The following DENND5A variants were observed in gnomAD, a reference collection of about 807,000 sequenced individuals.
The protein encoded by DENND5A is DENN domain-containing protein 5A.
In DENND5A, 64 loss-of-function variants were observed where a neutral mutation model predicts 140.3. That is an observed-to-expected ratio of 0.46 (90% CI 0.37 to 0.56). The LOEUF (loss-of-function observed/expected upper bound fraction) is 0.56. Among genes scored for constraint, DENND5A ranks in the 20% least tolerant of loss-of-function variants. The pLI, the probability that DENND5A is intolerant of heterozygous loss-of-function variation, is 0.00. For synonymous variants in DENND5A, 605 were observed against 607.7 expected (o/e 1.00, Z 0.07); for missense variants, 1,292 against 1,593.8 (o/e 0.81, Z 3.22).
At chr11:9,197,435 C>T (rs1379995270) in intron 4 of DENND5A, among the ~76,000 whole-genome samples, 1 of 150,414 alleles carries the variant, frequency 6.6e-6, no homozygotes, top group African/African-American at 2.5e-5. Flanking sequence ...GTGGCTCACG[C>T]CTGTAATCCC....
chr11:9,140,354 A>G lies in DENND5A; in HGVS notation c.3681-500T>C, dbSNP rs927508656. ...CCAAGATCACATGGCTAGTAAATGG[A>G]TAACTTGAGATCTGAACCTAGTGAA... On this transcript the variant is annotated intron_variant, in intron 22 of 22. Coordinates refer to ENST00000328194, the MANE Select transcript of DENND5A (RefSeq NM_015213.4). 1.0e-4 allele frequency: 51 copies of G among 507,740 alleles called. 1 individual carries two copies. The highest frequency in any genetic ancestry group is 3.3e-5 in the South Asian group (2 of 60,452). The allele number at this position is 507,740 out of a possible 1,614,324, so 31.5% of individuals were successfully genotyped here.
At chr11:9,160,095 T>C (rs1210292597) in intron 12 of DENND5A, among the ~76,000 whole-genome samples, 2 of 152,224 alleles carry the variant, frequency 1.3e-5, no homozygotes, top group Non-Finnish European at 2.9e-5. Context: ...AATATGTATT[T>C]TCTAATTTTT....
Position 9,231,838 on chromosome 11 carries a change from GAC to G in DENND5A, c.110-24208_110-24207del, listed in dbSNP as rs929468567. Reference sequence around the variant, plus strand: ...AAATTCTCTCTCTTTTTTTTTAACAGACTTTCCTAACCACTAAAATTTTACCA... The same window carrying G: ...AAATTCTCTCTCTTTTTTTTTAACAGTTTCCTAACCACTAAAATTTTACCA... On this transcript the variant is annotated intron_variant, in intron 1 of 22. Coordinates refer to ENST00000328194, the MANE Select transcript of DENND5A (RefSeq NM_015213.4). 2.1e-3 allele frequency among the ~76,000 whole-genome samples: 316 copies of G among 150,012 alleles called. 4 individuals carry two copies. The highest frequency in any genetic ancestry group is 7.5e-3 in the African/African-American group (307 of 40,814).
chr11:9,163,757 T>C (rs998908529), intron 11 of DENND5A, among the ~76,000 whole-genome samples: 1 of 150,876 alleles, frequency 6.6e-6, no homozygotes, highest in African/African-American at 2.4e-5. Flanking sequence ...TGAGCCGAGA[T>C]TGTGTCACTG....
At position 9,206,702 on chromosome 11, in the gene DENND5A, T is replaced by A; in HGVS notation, c.262A>T (p.Asn88Tyr). 4 of 1,613,600 alleles carry A rather than the reference T, an allele frequency of 2.5e-6. No homozygotes were observed. Among genetic ancestry groups the A allele is most frequent in the Non-Finnish European group, 3.4e-6 (4 of 1,179,584 alleles). Reference protein sequence around the residue: ...LARYPENVEWNPFDQDAVGML... With the variant: ...LARYPENVEWYPFDQDAVGML... ...CCTACTGCATCTTGGTCAAAGGGAT[T>A]CCATTCTACGTTCTCAGGATATCGT... Residue 88 changes from asparagine to tyrosine, a missense_variant, in exon 3 of 23, where the codon AAT (asparagine) becomes TAT (tyrosine). This residue lies in a region of DENND5A where 566 missense variants were observed against 650.4 expected (regional missense o/e 0.87). Coordinates refer to ENST00000328194, the MANE Select transcript of DENND5A (RefSeq NM_015213.4).
chr11:9,178,029 CACAAAGGCAGAA>C (rs1490634035), intron 8 of DENND5A, 91 bp downstream of exon 8: 15 of 839,044 alleles, frequency 1.8e-5, no homozygotes, highest in Non-Finnish European at 2.8e-5. Context: ...GAACCACATA[CACAAAGGCAGAA>C]ACAGATAAAG....
At chr11:9,173,115 C>T (rs1273947883) in intron 8 of DENND5A, among the ~76,000 whole-genome samples, 1 of 151,888 alleles carries the variant, frequency 6.6e-6, no homozygotes, top group Admixed American at 6.6e-5. Context: ...AGTGAGCCAC[C>T]GCGCCTGGCC....
At chr11:9,255,239 T>C (rs898073531) in intron 1 of DENND5A, among the ~76,000 whole-genome samples, 4 of 152,302 alleles carry the variant, frequency 2.6e-5, no homozygotes, top group Admixed American at 2.6e-4. Context: ...TACACTGCTA[T>C]TGGAAATGTA....
At chr11:9,203,389 C>A in intron 4 of DENND5A, 1 of 357,224 alleles carries the variant, frequency 2.8e-6, no homozygotes. Flanking sequence ...ACCTCCTACC[C>A]ACCCCTCTTT....
intron 1 of DENND5A, among the ~76,000 whole-genome samples, chr11:9,210,606 C>CA (rs1276309335): frequency 6.6e-6 from 1 of 152,202 alleles, no homozygotes; most frequent in Non-Finnish European, 1.5e-5. Context: ...TGCAGTGGCA[C>CA]AATCACGGCT....
rs1478435393 is a variant in DENND5A at position 9,231,339 on chromosome 11, C to T, written c.110-23707G>A. 5.9e-5 allele frequency among the ~76,000 whole-genome samples: 9 copies of T among 152,294 alleles called. No individual in the cohort carries two copies. In the East Asian group the frequency reaches 7.7e-4, roughly 13 times the overall value. On this transcript the variant is annotated intron_variant, in intron 1 of 22. Transcript: ENST00000328194. Reference sequence around the variant, plus strand: ...GCTATACTAAGAACACTGACAAGTCCGCAAATTCAGATTTCAAACCACAAC... The same window carrying T: ...GCTATACTAAGAACACTGACAAGTCTGCAAATTCAGATTTCAAACCACAAC...
chr11:9,139,503 T>A lies in DENND5A; in HGVS notation c.*168A>T, dbSNP rs1847164470. 3 of 654,166 alleles carry A rather than the reference T, an allele frequency of 4.6e-6. No homozygotes were observed. The highest frequency in any genetic ancestry group is 3.0e-5 in the Admixed American group (1 of 33,476). 40.5% of individuals were successfully genotyped at this position (654,166 alleles called of 1,614,324 possible). ...AGTGTGTAAAAAGCAAATCAGCAAATAAACTCTAAAATAGATTATTTATTC... is the reference window on the plus strand; with the variant it reads ...AGTGTGTAAAAAGCAAATCAGCAAAAAAACTCTAAAATAGATTATTTATTC... On this transcript the variant is annotated 3_prime_UTR_variant, in exon 23 of 23. Coordinates refer to ENST00000328194, the MANE Select transcript of DENND5A (RefSeq NM_015213.4).
chr11:9,178,941 C>G lies in DENND5A; in HGVS notation c.1588G>C (p.Asp530His), dbSNP rs1433846003. ...GGTTGGATGACAAACACCTCATAATCTGCAAACATCTGAGTGAAACGATTT... is the reference window on the plus strand; with the variant it reads ...GGTTGGATGACAAACACCTCATAATGTGCAAACATCTGAGTGAAACGATTT... ...FANRFTQMFA[D>H]YEVFVIQPSQ... The change falls in exon 7 of 23, where the codon GAT becomes CAT. Residue 530 changes from aspartate (D) to histidine (H), a missense_variant. Coordinates refer to ENST00000328194, the MANE Select transcript of DENND5A (RefSeq NM_015213.4). The G allele has an allele frequency of 1.9e-6, 3 of 1,614,122 alleles. No individual in the cohort carries two copies. The South Asian group carries it at 3.3e-5, about 18-fold the overall frequency.
At chr11:9,236,695 A>C (rs1282443765) in intron 1 of DENND5A, among the ~76,000 whole-genome samples, 1 of 151,862 alleles carries the variant, frequency 6.6e-6, no homozygotes, top group Non-Finnish European at 1.5e-5. Flanking sequence ...CAGCCTGGGC[A>C]ACAAAGCAAG....
intron 1 of DENND5A, among the ~76,000 whole-genome samples, chr11:9,244,117 A>G (rs894796141): frequency 6.6e-6 from 1 of 152,142 alleles, no homozygotes; most frequent in South Asian, 2.1e-4. Flanking sequence ...CTAACCCCCA[A>G]CTTGGTTCAA....
At position 9,261,878 on chromosome 11, in the gene DENND5A, C is replaced by T. The variant is rs76187178; in HGVS notation, c.109+3083G>A. ...GGGAAAAAAAATCCTTCCAACACTG[C>T]ATACTCTAACAAAGGCCACCTATCG... On this transcript the variant is annotated intron_variant, in intron 1 of 22. Transcript: ENST00000328194. 4.0e-3 allele frequency among the ~76,000 whole-genome samples: 602 copies of T among 151,846 alleles called. 4 individuals carry two copies. Among genetic ancestry groups the T allele is most frequent in the South Asian group, 0.015 (70 of 4,806 alleles).
Position 9,150,762 on chromosome 11 carries a change from T to C in DENND5A, c.2524A>G (p.Ile842Val). 6.2e-7 allele frequency: 1 copy of C among 1,610,438 alleles called. No homozygotes were observed. The change falls in exon 14 of 23, where the codon ATA becomes GTA. Residue 842 changes from isoleucine to valine, a missense_variant and splice_region_variant. Ile to Val is a conservative substitution (Grantham distance 29, BLOSUM62 3). This residue lies in a region of DENND5A where 498 missense variants were observed against 689.7 expected (regional missense o/e 0.72). Coordinates refer to ENST00000328194, the MANE Select transcript of DENND5A (RefSeq NM_015213.4). ...LTSGSLSTSGILLDSERRKSD... is the reference protein window; with the variant it reads ...LTSGSLSTSGVLLDSERRKSD... ...TTCCTACGTTCTGAATCAAGAAGTA[T>C]TCCTAGAATAAACAAGTTGGTCATG...
chr11:9,170,906 T>G (rs1309471772), intron 8 of DENND5A, 129 bp from the exon 9 acceptor site: 11 of 1,464,026 alleles, frequency 7.5e-6, no homozygotes, highest in African/African-American at 1.4e-5. Context: ...TAAAAGGGAC[T>G]GATTTTCCTG....
At chr11:9,168,846 T>C (rs1381660843) in intron 10 of DENND5A, among the ~76,000 whole-genome samples, 3 of 152,176 alleles carry the variant, frequency 2.0e-5, no homozygotes, top group African/African-American at 4.8e-5. Flanking sequence ...TTCTCAAAGA[T>C]AAGTTACTGA....
Sources: allele counts gnomAD v4.1 joint callset (sites outside exome capture counted in the v4.1 genomes callset), GRCh38; gene constraint gnomAD v4.1.1; regional missense constraint gnomAD v4.1.1; transcripts MANE v1.5; gene names NCBI Gene and HGNC (gene_info 2026-07-23, HGNC 2026-07-21).